ATXN8OS: variants seen among roughly 807,000 people sequenced by gnomAD.
ATXN8OS encodes ATXN8 opposite strand (non-protein coding).
chr13:70,118,322 T>C (rs2137473108), intron 2 of ATXN8OS, among the ~76,000 whole-genome samples: 1 of 152,186 alleles, frequency 6.6e-6, no homozygotes, highest in East Asian at 1.9e-4. Flanking sequence ...AGTGAAACAA[T>C]AAATTTTACT....
intron 4 of ATXN8OS, among the ~76,000 whole-genome samples, chr13:70,158,900 T>C (rs1888968322): frequency 6.6e-6 from 1 of 152,190 alleles, no homozygotes; most frequent in African/African-American, 2.4e-5. Flanking sequence ...AACCTCTGTG[T>C]TATAGGACTG....
chr13:70,132,576 A>G (rs1351684038), intron 3 of ATXN8OS, among the ~76,000 whole-genome samples: 1 of 152,104 alleles, frequency 6.6e-6, no homozygotes, highest in African/African-American at 2.4e-5. Flanking sequence ...CAATATACCC[A>G]GGTAAGAAAC....
intron 3 of ATXN8OS, among the ~76,000 whole-genome samples, chr13:70,146,287 G>C (rs1385874430): frequency 6.9e-6 from 1 of 145,566 alleles, no homozygotes; most frequent in Non-Finnish European, 1.5e-5. Flanking sequence ...AGGATGTGGA[G>C]AAATAGGAAC....
At chr13:70,167,723 CTTTTT>C (rs4053603) in intron 4 of ATXN8OS, among the ~76,000 whole-genome samples, 3 of 61,896 alleles carry the variant, frequency 4.8e-5, no homozygotes, top group East Asian at 5.5e-4. Context: ...TATGTAACTT[CTTTTT>C]TTTTTTTTTT....
intron 4 of ATXN8OS, among the ~76,000 whole-genome samples, chr13:70,164,913 A>T (rs187302310): frequency 4.6e-5 from 7 of 152,192 alleles, no homozygotes; most frequent in African/African-American, 1.4e-4. Context: ...AGAAAATAGG[A>T]AAAAGGAAAA....
At chr13:70,119,113 G>A (rs1888323411) in intron 2 of ATXN8OS, among the ~76,000 whole-genome samples, 1 of 151,912 alleles carries the variant, frequency 6.6e-6, no homozygotes, top group Non-Finnish European at 1.5e-5. Flanking sequence ...CACAAAAGAA[G>A]GATTGTAAAG....
exon 1 of ATXN8OS, chr13:70,107,832 C>T (rs985795185): frequency 3.0e-6 from 2 of 675,472 alleles, no homozygotes; most frequent in Admixed American, 3.5e-5. Flanking sequence ...AGCCAGAAGA[C>T]GCTAGGTGGG....
intron 4 of ATXN8OS, among the ~76,000 whole-genome samples, chr13:70,156,051 TA>T (rs1211210602): frequency 6.6e-6 from 1 of 152,086 alleles, no homozygotes; most frequent in East Asian, 1.9e-4. Context: ...TAACTAACAA[TA>T]AAAAAACTGG....
At chr13:70,120,294 C>G (rs1017978259) in intron 2 of ATXN8OS, among the ~76,000 whole-genome samples, 5 of 152,030 alleles carry the variant, frequency 3.3e-5, no homozygotes, top group Admixed American at 2.6e-4. Flanking sequence ...CAAAAAGATT[C>G]AGGAGAACTA....
chr13:70,117,273 A>T (rs1173895312), intron 2 of ATXN8OS, among the ~76,000 whole-genome samples: 1 of 152,044 alleles, frequency 6.6e-6, no homozygotes, highest in African/African-American at 2.4e-5. Context: ...TTAGGTGATG[A>T]ATATGTTGAT....
intron 2 of ATXN8OS, among the ~76,000 whole-genome samples, chr13:70,122,953 A>G (rs1471488753): frequency 6.6e-6 from 1 of 152,012 alleles, no homozygotes; most frequent in Non-Finnish European, 1.5e-5. Flanking sequence ...TCTCTTAGAG[A>G]CTTTGTTTTC....
At chr13:70,148,250 C>T (rs796898389) in intron 4 of ATXN8OS, among the ~76,000 whole-genome samples, 26 of 152,258 alleles carry the variant, frequency 1.7e-4, no homozygotes, top group African/African-American at 5.5e-4. Flanking sequence ...AATTTCCCCA[C>T]AAAAGATGGC....
At chr13:70,109,115 T>C (rs1373894984) in intron 1 of ATXN8OS, among the ~76,000 whole-genome samples, 1 of 152,258 alleles carries the variant, frequency 6.6e-6, no homozygotes, top group Non-Finnish European at 1.5e-5. Context: ...TAAATCATTG[T>C]ATACTATGCA....
chr13:70,125,413 C>A (rs758456888), intron 2 of ATXN8OS, among the ~76,000 whole-genome samples: 2 of 151,960 alleles, frequency 1.3e-5, no homozygotes, highest in Admixed American at 1.3e-4. Context: ...CTTTTCCTTA[C>A]GAGGTAAACG....
rs1366284905 is a variant in ATXN8OS at position 70,165,236 on chromosome 13, G to A, written n.574-4517G>A. On this transcript the variant is annotated intron_variant and non_coding_transcript_variant, in intron 4 of 4. Coordinates refer to ENST00000678624, the Ensembl canonical transcript of ATXN8OS. ...GAAGAGTGGAAATAAGAGCATAGAA[G>A]AGTAACAAAAAAAGAAAGAGAACTC... Among the ~76,000 whole-genome samples the A allele has an allele frequency of 2.0e-5, 3 of 151,470 alleles. No individual in the cohort carries two copies. The East Asian group carries it at 5.8e-4, about 29-fold the overall frequency.
At chr13:70,169,980 C>T (rs1156755197) in exon 5 of ATXN8OS, among the ~76,000 whole-genome samples, 4 of 152,126 alleles carry the variant, frequency 2.6e-5, no homozygotes, top group Non-Finnish European at 5.9e-5. Flanking sequence ...TTTACTGCTA[C>T]TCTCTGAGGT....
intron 4 of ATXN8OS, among the ~76,000 whole-genome samples, chr13:70,154,819 A>G (rs1888916770): frequency 6.6e-6 from 1 of 152,258 alleles, no homozygotes; most frequent in African/African-American, 2.4e-5. Context: ...AAAGGTCATG[A>G]GACACCTGAG....
chr13:70,169,206 G>T (rs894395302), intron 4 of ATXN8OS, among the ~76,000 whole-genome samples: 2 of 152,128 alleles, frequency 1.3e-5, no homozygotes, highest in Non-Finnish European at 2.9e-5. Context: ...GTTTTAGAAA[G>T]TGTAAGGTAA....
chr13:70,161,027 A>G (rs1240255169), intron 4 of ATXN8OS, among the ~76,000 whole-genome samples: 1 of 151,646 alleles, frequency 6.6e-6, no homozygotes, highest in Non-Finnish European at 1.5e-5. Flanking sequence ...AGATTTCTAA[A>G]TATAACTGTT....
Sources: gnomAD v4.1 joint callset for allele counts (sites outside exome capture counted in the v4.1 genomes callset) on GRCh38, gnomAD v4.1.1 for gene constraint, MANE v1.5 for transcripts, NCBI Gene and HGNC (gene_info 2026-07-23, HGNC 2026-07-21) for gene names.